The following PPP2R2B variants were observed in gnomAD, a reference collection of about 807,000 sequenced individuals.
PPP2R2B encodes the protein serine/threonine-protein phosphatase 2A 55 kDa regulatory subunit B beta isoform.
A neutral mutation model predicts 46.0 loss-of-function variants in PPP2R2B; 5 were observed. The ratio of observed to expected loss-of-function variants is 0.11; its 90% CI spans 0.06 to 0.23. The LOEUF is 0.23. PPP2R2B is among the 10% of genes least tolerant of loss of function. PPP2R2B has a pLI of 1.00. For missense variants in PPP2R2B, 367 were observed against 575.0 expected (o/e 0.64, Z 3.70); for synonymous variants, 215 against 206.7 (o/e 1.04, Z -0.34).
At chr5:147,056,062 A>C (rs1757072213), upstream of PPP2R2B, 1 of 1,132,632 alleles carries the variant, frequency 8.8e-7, no homozygotes, top group African/African-American at 1.6e-5. Flanking sequence ...ACACACGCTG[A>C]AATGCTCTGC....
At chr5:146,811,557 A>ATTT (rs1178978309) in intron 2 of PPP2R2B, among the ~76,000 whole-genome samples, 71 of 95,702 alleles carry the variant, frequency 7.4e-4, no homozygotes, top group African/African-American at 9.8e-4. Flanking sequence ...TCAACTATGT[A>ATTT]TTTTTTTTTT....
intron 2 of PPP2R2B, among the ~76,000 whole-genome samples, chr5:146,736,106 A>G (rs1207621991): frequency 6.6e-6 from 1 of 152,094 alleles, no homozygotes; most frequent in East Asian, 1.9e-4. Flanking sequence ...AGTTCTCATG[A>G]GATCTGATGG....
intron 2 of PPP2R2B, among the ~76,000 whole-genome samples, chr5:146,787,521 CCTCT>C (rs994257058): frequency 6.6e-5 from 10 of 151,950 alleles, no homozygotes; most frequent in African/African-American, 2.4e-4. Flanking sequence ...TCTCTCCTCT[CCTCT>C]CTTTTCTCCT....
At chr5:146,928,271 T>TAC (rs1491022420) in intron 1 of PPP2R2B, among the ~76,000 whole-genome samples, 1 of 151,860 alleles carries the variant, frequency 6.6e-6, no homozygotes, top group Non-Finnish European at 1.5e-5. Flanking sequence ...TTTTTAGGTT[T>TAC]ATATATATAT....
intron 2 of PPP2R2B, among the ~76,000 whole-genome samples, chr5:146,796,416 T>C (rs1410183579): frequency 6.6e-6 from 1 of 152,160 alleles, no homozygotes; most frequent in African/African-American, 2.4e-5. Flanking sequence ...GAACACCACT[T>C]CCGTGGCATC....
At chr5:147,025,535 C>A (rs73316575) in intron 1 of PPP2R2B, among the ~76,000 whole-genome samples, 1 of 151,240 alleles carries the variant, frequency 6.6e-6, no homozygotes, top group East Asian at 1.9e-4. Flanking sequence ...AGATATGACA[C>A]CAAAGCATGA....
chr5:147,069,785 G>GTTTCTTTTTTTTT (rs1757522492), intron 2 of PPP2R2B, among the ~76,000 whole-genome samples: 2 of 64,786 alleles, frequency 3.1e-5, no homozygotes, highest in Admixed American at 2.5e-4. Flanking sequence ...ATTTTATACT[G>GTTTCTTTTTTTTT]TTTTTTTTTT....
At chr5:147,012,342 C>G (rs1390528796) in intron 1 of PPP2R2B, among the ~76,000 whole-genome samples, 5 of 152,128 alleles carry the variant, frequency 3.3e-5, no homozygotes, top group African/African-American at 1.2e-4. Context: ...TCCATTTCTT[C>G]TAGATTTTCT....
intron 1 of PPP2R2B, among the ~76,000 whole-genome samples, chr5:147,032,504 C>T (rs1158277373): frequency 1.3e-5 from 2 of 151,858 alleles, no homozygotes; most frequent in East Asian, 2.0e-4. Context: ...TTAGCTCTCA[C>T]CCCCCTCTCC....
At chr5:146,989,734 A>G (rs891810291) in intron 1 of PPP2R2B, among the ~76,000 whole-genome samples, 2 of 152,092 alleles carry the variant, frequency 1.3e-5, no homozygotes, top group Non-Finnish European at 2.9e-5. Flanking sequence ...ATAGTACTGA[A>G]TATTCTAGCC....
At chr5:146,872,491 T>C (rs1166068966) in intron 2 of PPP2R2B, among the ~76,000 whole-genome samples, 2 of 152,212 alleles carry the variant, frequency 1.3e-5, no homozygotes, top group Non-Finnish European at 2.9e-5. Context: ...ATTTTTTCAA[T>C]GCCTTCCCAG....
intron 7 of PPP2R2B, among the ~76,000 whole-genome samples, chr5:146,627,731 A>G (rs1327967904): frequency 6.6e-6 from 1 of 152,162 alleles, no homozygotes; most frequent in Non-Finnish European, 1.5e-5. Context: ...TCATCTATAA[A>G]TTAGAGGTAC....
intron 1 of PPP2R2B, among the ~76,000 whole-genome samples, chr5:146,988,102 A>T (rs1442406163): frequency 6.6e-6 from 1 of 152,026 alleles, no homozygotes; most frequent in Non-Finnish European, 1.5e-5. Flanking sequence ...CCAACACTAG[A>T]GTACCTAATT....
chr5:147,060,264 A>G (rs1388539490), upstream of PPP2R2B, among the ~76,000 whole-genome samples: 1 of 152,184 alleles, frequency 6.6e-6, no homozygotes, highest in Non-Finnish European at 1.5e-5. Flanking sequence ...GAGCATATTT[A>G]TTGAATACTT....
At chr5:146,871,627 G>A (rs558724402) in intron 2 of PPP2R2B, among the ~76,000 whole-genome samples, 1 of 152,314 alleles carries the variant, frequency 6.6e-6, no homozygotes, top group South Asian at 2.1e-4. Flanking sequence ...GCACTGCTGT[G>A]CTAGGAGAAG....
intron 1 of PPP2R2B, among the ~76,000 whole-genome samples, chr5:146,976,290 A>G (rs1752902656): frequency 6.6e-6 from 1 of 151,796 alleles, no homozygotes; most frequent in Non-Finnish European, 1.5e-5. Flanking sequence ...GGCATGCACC[A>G]CTACGCCCAA....
chr5:146,848,875 T>G lies in PPP2R2B; in HGVS notation c.70+29127A>C, dbSNP rs527295968. Among the ~76,000 whole-genome samples, 5 of 152,336 alleles carry G rather than the reference T, an allele frequency of 3.3e-5. 1 individual carries two copies. Among genetic ancestry groups the G allele is most frequent in the African/African-American group, 1.2e-4 (5 of 41,574 alleles). On this transcript the variant is annotated intron_variant, in intron 2 of 9. Transcript: ENST00000394411. Reference sequence around the variant, plus strand: ...CCTCCTCTCCTATTTATTCAATTATTTACTTATACCAGTATGAATTTATGC... The same window carrying G: ...CCTCCTCTCCTATTTATTCAATTATGTACTTATACCAGTATGAATTTATGC...
intron 2 of PPP2R2B, among the ~76,000 whole-genome samples, chr5:146,821,587 G>T (rs1189600227): frequency 1.3e-5 from 2 of 152,190 alleles, no homozygotes; most frequent in Non-Finnish European, 2.9e-5. Context: ...GAGTTGGGGT[G>T]AAACCTCAGT....
At chr5:146,777,889 A>G (rs1755283798) in intron 2 of PPP2R2B, among the ~76,000 whole-genome samples, 1 of 152,170 alleles carries the variant, frequency 6.6e-6, no homozygotes, top group Non-Finnish European at 1.5e-5. Context: ...GTTTAAAAAG[A>G]TGAATGCACT....
Sources: gnomAD v4.1 joint callset for allele counts (sites outside exome capture counted in the v4.1 genomes callset) on GRCh38, gnomAD v4.1.1 for gene constraint, MANE v1.5 for transcripts, NCBI Gene and HGNC (gene_info 2026-07-23, HGNC 2026-07-21) for gene names.